The following PCDH9 variants were observed in gnomAD, a reference collection of about 807,000 sequenced individuals.
PCDH9 encodes protocadherin-9.
A neutral mutation model predicts 70.6 loss-of-function variants in PCDH9; 24 were observed. That is an observed-to-expected ratio of 0.34 (90% confidence interval 0.25 to 0.48). The LOEUF (loss-of-function observed/expected upper bound fraction) is 0.48, where lower values mean the gene tolerates loss of function less well. PCDH9 is among the 20% of genes least tolerant of loss of function. PCDH9 has a pLI of 0.99. For missense variants in PCDH9, 1,281 were observed against 1,503.6 expected (o/e 0.85, Z 2.45); for synonymous variants, 562 against 558.5 (o/e 1.01, Z -0.09).
Position 66,623,545 on chromosome 13 carries a change from C to T in PCDH9, c.3340+7665G>A, listed in dbSNP as rs150174257. ...GCTCAAACTCCAAGGCTCAGGCAATCCCCCCACCTCAGCCTCCTTAGTAGC... is the reference window on the plus strand; with the variant it reads ...GCTCAAACTCCAAGGCTCAGGCAATTCCCCCACCTCAGCCTCCTTAGTAGC... On this transcript the variant is annotated intron_variant, in intron 4 of 4. Transcript: ENST00000377865. Among the ~76,000 whole-genome samples the T allele has an allele frequency of 4.7e-4, 72 of 152,226 alleles. No homozygotes were observed. The East Asian group carries it at 0.013, about 27-fold the overall frequency.
rs373398669 is a variant in PCDH9 at position 67,225,720 on chromosome 13, C to T, written c.2721G>A (p.Pro907=). 12 of 1,613,974 alleles carry T rather than the reference C, an allele frequency of 7.4e-6. No individual in the cohort carries two copies. The highest frequency in any genetic ancestry group is 6.7e-5 in the African/African-American group (5 of 74,902). ...CTATACTTTGCTCCTCCAGTTCAGC[C>T]GGCAGGCTTATTGTCCCATTGATAG... The part of the protein sequence containing the change: ...HEPINGTISL[P]AELEEQSIGR... Residue 907 remains proline (P), a synonymous_variant, in exon 2 of 5, where the codon CCG becomes CCA. Coordinates refer to ENST00000377865, the MANE Select transcript of PCDH9 (RefSeq NM_203487.3).
At chr13:66,696,167 G>C (rs192525408) in intron 3 of PCDH9, among the ~76,000 whole-genome samples, 1 of 152,114 alleles carries the variant, frequency 6.6e-6, no homozygotes, top group East Asian at 1.9e-4. Flanking sequence ...GAATTATACT[G>C]TAAGTGATGA....
intron 2 of PCDH9, among the ~76,000 whole-genome samples, chr13:67,091,744 G>C (rs893847717): frequency 1.2e-4 from 18 of 152,210 alleles, no homozygotes; most frequent in Admixed American, 8.5e-4. Flanking sequence ...AAATTCAATT[G>C]TGGTTCCAGT....
intron 2 of PCDH9, among the ~76,000 whole-genome samples, chr13:67,164,934 C>T (rs1477637599): frequency 2.0e-5 from 3 of 152,124 alleles, no homozygotes; most frequent in South Asian, 2.1e-4. Context: ...TGATCTTCCA[C>T]GTTAATTCAT....
chr13:66,371,265 C>A (rs1281876120), intron 4 of PCDH9, among the ~76,000 whole-genome samples: 1 of 152,020 alleles, frequency 6.6e-6, no homozygotes, highest in Non-Finnish European at 1.5e-5. Context: ...AGTCAATCAA[C>A]ATGGGAAAAG....
At chr13:67,023,078 A>C (rs1367241654) in intron 2 of PCDH9, among the ~76,000 whole-genome samples, 1 of 152,108 alleles carries the variant, frequency 6.6e-6, no homozygotes, top group Non-Finnish European at 1.5e-5. Context: ...AACCACTTTT[A>C]ACTACTTTGA....
At chr13:66,644,784 T>C (rs1030929946) in intron 3 of PCDH9, among the ~76,000 whole-genome samples, 1 of 152,122 alleles carries the variant, frequency 6.6e-6, no homozygotes, top group Admixed American at 6.5e-5. Flanking sequence ...TTAAACAGTA[T>C]AGACTTTAAA....
chr13:67,046,498 A>C (rs2085224283), intron 2 of PCDH9, among the ~76,000 whole-genome samples: 1 of 152,154 alleles, frequency 6.6e-6, no homozygotes, highest in Non-Finnish European at 1.5e-5. Context: ...GTTCACAATG[A>C]TCAATGTAAA....
At chr13:66,837,037 A>G (rs2081033696) in intron 3 of PCDH9, among the ~76,000 whole-genome samples, 1 of 152,156 alleles carries the variant, frequency 6.6e-6, no homozygotes, top group African/African-American at 2.4e-5. Flanking sequence ...CACATAAGAG[A>G]CCACCTGTGT....
At chr13:66,563,303 G>C (rs988282957) in intron 4 of PCDH9, among the ~76,000 whole-genome samples, 12 of 152,038 alleles carry the variant, frequency 7.9e-5, no homozygotes, top group African/African-American at 2.9e-4. Context: ...TTTTCCGTTT[G>C]CTCCCAACAG....
chr13:66,468,873 A>T (rs1338860070), intron 4 of PCDH9, among the ~76,000 whole-genome samples: 2 of 152,150 alleles, frequency 1.3e-5, no homozygotes, highest in African/African-American at 4.8e-5. Context: ...TTGAAGTTAC[A>T]GTCATGTCCA....
At chr13:66,530,259 G>A (rs543823140) in intron 4 of PCDH9, among the ~76,000 whole-genome samples, 1 of 152,122 alleles carries the variant, frequency 6.6e-6, no homozygotes, top group South Asian at 2.1e-4. Context: ...ATATGTGTTT[G>A]TGGCAAGGAT....
At chr13:67,087,994 A>G (rs952708466) in intron 2 of PCDH9, among the ~76,000 whole-genome samples, 8 of 152,068 alleles carry the variant, frequency 5.3e-5, no homozygotes, top group Non-Finnish European at 1.2e-4. Context: ...CTCTCTTGAT[A>G]TAGCACCAAA....
At chr13:66,929,462 T>A (rs9571694) in intron 2 of PCDH9, among the ~76,000 whole-genome samples, 25,594 of 152,000 alleles carry the variant, frequency 0.17, 2,549 homozygotes, top group East Asian at 0.35. Flanking sequence ...TAACTGTGAT[T>A]ACAGGCATGT....
At chr13:66,628,089 G>A (rs958005927) in intron 4 of PCDH9, among the ~76,000 whole-genome samples, 3 of 152,138 alleles carry the variant, frequency 2.0e-5, no homozygotes, top group Non-Finnish European at 4.4e-5. Flanking sequence ...AAGCAGACCC[G>A]TATTGGTAAA....
intron 3 of PCDH9, among the ~76,000 whole-genome samples, chr13:66,887,427 TAACA>T (rs930280904): frequency 2.6e-5 from 4 of 152,312 alleles, no homozygotes; most frequent in South Asian, 2.1e-4. Flanking sequence ...AGATTTTTTT[TAACA>T]AACAAAGTAG....
chr13:66,868,349 G>C (rs1416264403), intron 3 of PCDH9, among the ~76,000 whole-genome samples: 2 of 151,884 alleles, frequency 1.3e-5, no homozygotes, highest in East Asian at 3.9e-4. Context: ...TCGTTTTCAA[G>C]TCATCATCAA....
chr13:66,534,704 A>G (rs1349446827), intron 4 of PCDH9, among the ~76,000 whole-genome samples: 2 of 152,076 alleles, frequency 1.3e-5, no homozygotes, highest in Non-Finnish European at 2.9e-5. Flanking sequence ...TCTTTAAGTT[A>G]TGACTGTAGT....
At chr13:66,816,477 A>G (rs776043667) in intron 3 of PCDH9, among the ~76,000 whole-genome samples, 1 of 152,072 alleles carries the variant, frequency 6.6e-6, no homozygotes, top group Non-Finnish European at 1.5e-5. Flanking sequence ...CACACTCACC[A>G]TTCACAGTCA....
Sources: gnomAD v4.1 joint callset for allele counts (sites outside exome capture counted in the v4.1 genomes callset) on GRCh38, gnomAD v4.1.1 for gene constraint, MANE v1.5 for transcripts, NCBI Gene and HGNC (gene_info 2026-07-23, HGNC 2026-07-21) for gene names.